TAFA5: variants seen among roughly 807,000 people sequenced by gnomAD.
TAFA5 encodes chemokine-like protein TAFA-5.
A neutral mutation model predicts 15.3 loss-of-function variants in TAFA5; 6 were observed. That is an observed-to-expected ratio of 0.39 (90% CI 0.21 to 0.77). The LOEUF is 0.77. Among genes scored for constraint, TAFA5 ranks in the 30% least tolerant of loss-of-function variants. TAFA5 has a pLI of 0.41. For missense variants in TAFA5, 161 were observed against 193.1 expected (o/e 0.83, Z 0.98); for synonymous variants, 103 against 80.7 (o/e 1.28, Z -1.48).
At chr22:48,520,895 G>T (rs183657146) in intron 1 of TAFA5, among the ~76,000 whole-genome samples, 64 of 152,308 alleles carry the variant, frequency 4.2e-4, no homozygotes, top group Non-Finnish European at 6.9e-4. Context: ...GGCCAGGGGG[G>T]GTCGCAGGGT....
chr22:48,507,993 G>A (rs1380121798), intron 1 of TAFA5, among the ~76,000 whole-genome samples: 1 of 152,126 alleles, frequency 6.6e-6, no homozygotes, highest in East Asian at 1.9e-4. Context: ...AGCCCCTAGA[G>A]CCGCCCGCAT....
chr22:48,646,217 G>T lies in TAFA5; in HGVS notation c.113-380G>T, dbSNP rs552903643. On this transcript the variant is annotated intron_variant, in intron 1 of 3. Coordinates refer to ENST00000402357, the MANE Select transcript of TAFA5 (RefSeq NM_001082967.3). The stretch of plus-strand genomic sequence containing the variant: ...GGATGGAGACCAAGCACTGTGCCTC[G>T]TACAGCCCGGCTTCTCTCCAGCAGG... Among the ~76,000 whole-genome samples the T allele has an allele frequency of 7.2e-5, 11 of 152,272 alleles. No individual in the cohort carries two copies. The East Asian group carries it at 2.1e-3, about 30-fold the overall frequency.
chr22:48,705,471 C>T (rs1232124026), intron 2 of TAFA5, among the ~76,000 whole-genome samples: 4 of 152,194 alleles, frequency 2.6e-5, no homozygotes, highest in Non-Finnish European at 5.9e-5. Context: ...CCCAGACCTG[C>T]CTCCCCTGCG....
At position 48,490,686 on chromosome 22, in the gene TAFA5, C is replaced by T. The variant is rs1011384335; in HGVS notation, c.112+982C>T. On this transcript the variant is annotated intron_variant, in intron 1 of 3. Coordinates refer to ENST00000402357, the MANE Select transcript of TAFA5 (RefSeq NM_001082967.3). This position sits in a 1 kb window ranked among gnomAD's most constrained non-coding sequence, Gnocchi z 5.8. ...GCTCCGGGAGCTCCGGGCTTCTTGT[C>T]TTCAGCGGGAGAATAGGACGGGTGC... 6.7e-6 allele frequency among the ~76,000 whole-genome samples: 1 copy of T among 148,904 alleles called. No individual in the cohort carries two copies. The highest frequency in any genetic ancestry group is 1.5e-5 in the Non-Finnish European group (1 of 67,636).
rs79991297 is a variant in TAFA5, at chr22:48,554,744, T to C, written c.112+65040T>C. Among the ~76,000 whole-genome samples the C allele has an allele frequency of 0.01, 1,562 of 152,354 alleles. 78 individuals are homozygous for C. The East Asian group carries it at 0.17, about 16-fold the overall frequency. ...GGTGTCTGGAATATAATTTAAAAATTATGAAATGCTAAGATTCTCTGCAGA... is the reference window on the plus strand; with the variant it reads ...GGTGTCTGGAATATAATTTAAAAATCATGAAATGCTAAGATTCTCTGCAGA... On this transcript the variant is annotated intron_variant, in intron 1 of 3. Coordinates refer to ENST00000402357, the MANE Select transcript of TAFA5 (RefSeq NM_001082967.3).
At chr22:48,646,503 CT>C in intron 1 of TAFA5, 93 bp from the exon 2 acceptor site, 2 of 1,495,240 alleles carry the variant, frequency 1.3e-6, no homozygotes, top group Non-Finnish European at 1.8e-6. Flanking sequence ...GGCCTGGCTG[CT>C]GGGGGCCCCT....
intron 1 of TAFA5, among the ~76,000 whole-genome samples, chr22:48,492,451 C>G (rs1282353479): frequency 6.6e-6 from 1 of 152,212 alleles, no homozygotes; most frequent in Non-Finnish European, 1.5e-5. Flanking sequence ...TGGATTCTTT[C>G]TTGGCCTGGT....
In TAFA5 at chr22:48,544,714, A is replaced by T. The variant is rs1263443206; in HGVS notation, c.112+55010A>T. On this transcript the variant is annotated intron_variant, in intron 1 of 3. Coordinates refer to ENST00000402357, the MANE Select transcript of TAFA5 (RefSeq NM_001082967.3). ...CCTGCGTGCCCGCAGATGAGGGTGCATGTTGGTCTCAGTCCCCACTCCGGG... is the reference window on the plus strand; with the variant it reads ...CCTGCGTGCCCGCAGATGAGGGTGCTTGTTGGTCTCAGTCCCCACTCCGGG... 16 of 471,174 alleles carry T rather than the reference A, an allele frequency of 3.4e-5. No homozygotes were observed. The Admixed American group carries it at 3.8e-4, about 11-fold the overall frequency. The allele number at this position is 471,174 out of a possible 1,614,324, so 29.2% of individuals were successfully genotyped here.
At chr22:48,717,131 A>G (rs1333382300) in intron 3 of TAFA5, among the ~76,000 whole-genome samples, 2 of 152,220 alleles carry the variant, frequency 1.3e-5, no homozygotes, top group East Asian at 3.8e-4. Flanking sequence ...ATTTCAGACC[A>G]CGGGAGATGA....
chr22:48,691,936 A>G (rs1928556144), intron 2 of TAFA5, among the ~76,000 whole-genome samples: 2 of 152,088 alleles, frequency 1.3e-5, no homozygotes, highest in African/African-American at 4.8e-5. Flanking sequence ...CCTTGGATGG[A>G]CTGAGCTGAC....
chr22:48,501,825 T>A (rs973713873), intron 1 of TAFA5, among the ~76,000 whole-genome samples: 1 of 152,156 alleles, frequency 6.6e-6, no homozygotes, highest in Non-Finnish European at 1.5e-5. Context: ...GGTGCATCTG[T>A]CCCCACTACA....
chr22:48,745,520 C>T (rs756460251), intron 3 of TAFA5, among the ~76,000 whole-genome samples: 38 of 151,896 alleles, frequency 2.5e-4, no homozygotes, highest in Non-Finnish European at 4.1e-4. Context: ...TGGGCACACA[C>T]GGCTTTGTCG....
intron 2 of TAFA5, among the ~76,000 whole-genome samples, chr22:48,706,216 GC>G (rs1929073122): frequency 6.6e-6 from 1 of 152,362 alleles, no homozygotes; most frequent in Admixed American, 6.5e-5. Context: ...CAAACATTGA[GC>G]CCCAGGAAGG....
At chr22:48,638,806 AG>A (rs1246183314) in intron 1 of TAFA5, among the ~76,000 whole-genome samples, 2 of 123,844 alleles carry the variant, frequency 1.6e-5, no homozygotes, top group Non-Finnish European at 1.6e-5. Flanking sequence ...CACCGCACAC[AG>A]GGGGGACCCC....
chr22:48,590,378 CT>C (rs1267987617), intron 1 of TAFA5, among the ~76,000 whole-genome samples: 1 of 152,216 alleles, frequency 6.6e-6, no homozygotes, highest in African/African-American at 2.4e-5. Context: ...ATTTTAATAG[CT>C]GTGTATCAGC....
At chr22:48,596,677 C>T (rs575023332) in intron 1 of TAFA5, among the ~76,000 whole-genome samples, 35 of 152,262 alleles carry the variant, frequency 2.3e-4, no homozygotes, top group East Asian at 1.2e-3. Flanking sequence ...TTCACACCAG[C>T]GCTCACTCTT....
chr22:48,732,666 G>C (rs967819946), intron 3 of TAFA5, among the ~76,000 whole-genome samples: 3 of 152,226 alleles, frequency 2.0e-5, no homozygotes, highest in African/African-American at 7.2e-5. Context: ...CAGTGCAGCG[G>C]CAGGTGTGAG....
chr22:48,591,828 G>C (rs1924578565), intron 1 of TAFA5, among the ~76,000 whole-genome samples: 1 of 152,154 alleles, frequency 6.6e-6, no homozygotes, highest in Non-Finnish European at 1.5e-5. Flanking sequence ...CGTAGCTAGG[G>C]TCCAGCCCCT....
At chr22:48,685,868 G>C (rs6010589) in intron 2 of TAFA5, among the ~76,000 whole-genome samples, 13,246 of 152,182 alleles carry the variant, frequency 0.087, 1,922 homozygotes, top group African/African-American at 0.3. Context: ...GAAGCTAAGA[G>C]GAGGGCAGGG....
Sources: allele counts gnomAD v4.1 joint callset (sites outside exome capture counted in the v4.1 genomes callset), GRCh38; gene constraint gnomAD v4.1.1; non-coding constraint Gnocchi (gnomAD v3.1); transcripts MANE v1.5; gene names NCBI Gene and HGNC (gene_info 2026-07-23, HGNC 2026-07-21).